Variants in PLSCR2 observed in about 807,000 individuals in gnomAD.
PLSCR2 encodes phospholipid scramblase 2.
In PLSCR2, 18 loss-of-function variants were observed where a neutral mutation model predicts 25.3. The observed-to-expected ratio is 0.71, with a 90% CI of 0.49 to 1.06. PLSCR2 has a LOEUF of 1.06. Among genes scored for constraint, PLSCR2 ranks in the 50% least tolerant of loss-of-function variants. PLSCR2 has a pLI of 0.00. For missense variants in PLSCR2, 243 were observed against 269.5 expected, an observed-to-expected ratio of 0.90 and a Z score of 0.69; for synonymous variants, 88 against 87.3, an observed-to-expected ratio of 1.01 and a Z score of -0.04.
rs532022193 is a variant in PLSCR2 at position 146,480,587 on chromosome 3, C to T, written c.-293+15308G>A. Reference sequence around the variant, plus strand: ...CCAATAACAGGCTCTGAAATTGAGGCAATAATAGCCTACCAATGAAAAAGA... The same window carrying T: ...CCAATAACAGGCTCTGAAATTGAGGTAATAATAGCCTACCAATGAAAAAGA... On this transcript the variant is annotated intron_variant, in intron 1 of 8. Transcript: ENST00000336685. Among the ~76,000 whole-genome samples, 221 of 151,740 alleles carry T rather than the reference C, an allele frequency of 1.5e-3. 1 individual carries two copies. The highest frequency in any genetic ancestry group is 5.1e-3 in the African/African-American group (213 of 41,438).
intron 1 of PLSCR2, among the ~76,000 whole-genome samples, chr3:146,482,415 G>A (rs1020137834): frequency 3.9e-5 from 6 of 152,134 alleles, no homozygotes; most frequent in African/African-American, 1.4e-4. Context: ...AGTGAGCAAA[G>A]GATATGAACA....
chr3:146,491,264 T>C (rs1164567725), intron 1 of PLSCR2, among the ~76,000 whole-genome samples: 1 of 152,038 alleles, frequency 6.6e-6, no homozygotes, highest in East Asian at 1.9e-4. Context: ...CCCTTCTCTC[T>C]AGTTGCCTTT....
Position 146,495,115 on chromosome 3 carries a change from G to T in PLSCR2, c.-293+780C>A, listed in dbSNP as rs371239090. The T allele has an allele frequency of 3.3e-5, 5 of 152,088 alleles. 1 individual carries two copies. The highest frequency in any genetic ancestry group is 2.1e-4 in the South Asian group (1 of 4,826). The allele number at this position is 152,088 out of a possible 1,614,324, so 9.4% of individuals were successfully genotyped here. ...TATCAATTAGAGTAGGAGAGAAGAGGTTCATTCAGGGTCAGACATATTTCA... is the reference window on the plus strand; with the variant it reads ...TATCAATTAGAGTAGGAGAGAAGAGTTTCATTCAGGGTCAGACATATTTCA... On this transcript the variant is annotated intron_variant, in intron 1 of 8. Transcript: ENST00000336685.
At chr3:146,428,673 TG>T (rs1334813450), downstream of PLSCR2, among the ~76,000 whole-genome samples, 2 of 152,158 alleles carry the variant, frequency 1.3e-5, no homozygotes, top group Non-Finnish European at 2.9e-5. Flanking sequence ...CCTCAGACAA[TG>T]GCTTCTGCAT....
At chr3:146,442,179 T>C (rs2040282884) in intron 6 of PLSCR2, among the ~76,000 whole-genome samples, 2 of 152,026 alleles carry the variant, frequency 1.3e-5, no homozygotes, top group South Asian at 4.1e-4. Flanking sequence ...GTAATTTGAA[T>C]TCATTCCATG....
chr3:146,394,568 A>G (rs2038209414), intron 3 of PLSCR2, among the ~76,000 whole-genome samples: 1 of 152,194 alleles, frequency 6.6e-6, no homozygotes, highest in Non-Finnish European at 1.5e-5. Flanking sequence ...GCCTGGACCA[A>G]TTTAACAATT....
At chr3:146,454,463 A>T (rs1314794948) in intron 4 of PLSCR2, among the ~76,000 whole-genome samples, 2 of 152,184 alleles carry the variant, frequency 1.3e-5, no homozygotes, top group African/African-American at 4.8e-5. Context: ...TCCTCTCAAA[A>T]TAAGTGCAGT....
At chr3:146,470,461 T>G (rs2042074148) in intron 1 of PLSCR2, among the ~76,000 whole-genome samples, 1 of 151,616 alleles carries the variant, frequency 6.6e-6, no homozygotes, top group Non-Finnish European at 1.5e-5. Flanking sequence ...AGGAGAAAAA[T>G]CGCTTGAACC....
chr3:146,438,038 A>G (rs1156336326), downstream of PLSCR2, among the ~76,000 whole-genome samples: 2 of 152,200 alleles, frequency 1.3e-5, no homozygotes, highest in African/African-American at 4.8e-5. Context: ...TGTACCCAGT[A>G]GTCATTCAGG....
intron 1 of PLSCR2, among the ~76,000 whole-genome samples, chr3:146,481,676 T>A (rs1481227285): frequency 6.6e-6 from 1 of 152,192 alleles, no homozygotes; most frequent in African/African-American, 2.4e-5. Flanking sequence ...ATAGATTCAA[T>A]GCCATTCCCA....
intron 2 of PLSCR2, among the ~76,000 whole-genome samples, chr3:146,398,292 A>C (rs1418948427): frequency 6.6e-6 from 1 of 151,874 alleles, no homozygotes; most frequent in Non-Finnish European, 1.5e-5. Context: ...TTGAGTTTCA[A>C]AGTTTTATAA....
intron 5 of PLSCR2, among the ~76,000 whole-genome samples, chr3:146,451,231 T>C (rs930824140): frequency 6.6e-5 from 10 of 151,272 alleles, no homozygotes; most frequent in Admixed American, 5.3e-4. Context: ...TCTCTTGCCT[T>C]AGCTTCCCGA....
At chr3:146,464,104 C>T (rs921494213), upstream of PLSCR2, 3 of 241,824 alleles carry the variant, frequency 1.2e-5, no homozygotes, top group Non-Finnish European at 2.0e-5. Context: ...TGCTGTGGAC[C>T]TCATCAAGTC....
At chr3:146,444,953 T>A (rs982493716) in intron 6 of PLSCR2, among the ~76,000 whole-genome samples, 1 of 152,106 alleles carries the variant, frequency 6.6e-6, no homozygotes, top group Non-Finnish European at 1.5e-5. Context: ...AAGATTACTC[T>A]GAGGCTGGCA....
At chr3:146,414,911 G>C (rs2038961527) in intron 2 of PLSCR2, among the ~76,000 whole-genome samples, 1 of 152,216 alleles carries the variant, frequency 6.6e-6, no homozygotes, top group Non-Finnish European at 1.5e-5. Flanking sequence ...TTTCAGGAAT[G>C]ATCCTGCAGC....
At chr3:146,430,355 A>C (rs193141821), downstream of PLSCR2, among the ~76,000 whole-genome samples, 9 of 152,306 alleles carry the variant, frequency 5.9e-5, no homozygotes, top group Admixed American at 1.3e-4. Context: ...TGAAAGAGAT[A>C]GGGCCAGGTG....
At chr3:146,454,519 G>A (rs894247652) in intron 4 of PLSCR2, among the ~76,000 whole-genome samples, 6 of 152,138 alleles carry the variant, frequency 3.9e-5, no homozygotes, top group Admixed American at 6.6e-5. Flanking sequence ...TCTGTATGAT[G>A]TTCTCACAGC....
chr3:146,484,093 T>C (rs1205298269), intron 1 of PLSCR2, among the ~76,000 whole-genome samples: 2 of 151,618 alleles, frequency 1.3e-5, no homozygotes, highest in African/African-American at 2.4e-5. Flanking sequence ...GAGAGGAAGA[T>C]AAATGACCTG....
At chr3:146,394,303 T>A (rs903437904) in intron 3 of PLSCR2, among the ~76,000 whole-genome samples, 7 of 152,086 alleles carry the variant, frequency 4.6e-5, no homozygotes, top group African/African-American at 1.2e-4. Context: ...GTTTCGCTCT[T>A]GTTGTCCAGG....
Sources: allele counts gnomAD v4.1 joint callset (sites outside exome capture counted in the v4.1 genomes callset), GRCh38; gene constraint gnomAD v4.1.1; transcripts MANE v1.5; gene names NCBI Gene and HGNC (gene_info 2026-07-23, HGNC 2026-07-21).